Variants in AEBP2 observed in about 807,000 individuals in gnomAD.
The protein encoded by AEBP2 is zinc finger protein AEBP2.
A neutral mutation model predicts 50.8 loss-of-function variants in AEBP2; 10 were observed. The observed-to-expected ratio is 0.20, with a 90% CI of 0.12 to 0.33. The LOEUF (loss-of-function observed/expected upper bound fraction) is 0.33. AEBP2 is among the 10% of genes least tolerant of loss of function. The pLI is 1.00. For missense variants in AEBP2, 570 were observed against 688.0 expected, an observed-to-expected ratio of 0.83 and a Z score of 1.92; for synonymous variants, 296 against 261.3, an observed-to-expected ratio of 1.13 and a Z score of -1.28.
At position 19,423,836 on chromosome 12, in the gene AEBP2, G is replaced by T. The variant is rs1236859827; in HGVS notation, c.-17+19620G>T. Among the ~76,000 whole-genome samples the T allele has an allele frequency of 2.0e-5, 3 of 152,096 alleles. No individual in the cohort carries two copies. In the East Asian group the frequency reaches 5.8e-4, roughly 29 times the overall value. On this transcript the variant is annotated intron_variant, in intron 1 of 3. Transcript: ENST00000538425. ...AGCCTGGGCGACAGAGTGAGATTCT[G>T]TCTCAAAAACAAATAAATAAATGAA...
At chr12:19,478,256 C>G (rs1034148652) in intron 3 of AEBP2, among the ~76,000 whole-genome samples, 1 of 152,082 alleles carries the variant, frequency 6.6e-6, no homozygotes, top group African/African-American at 2.4e-5. Flanking sequence ...TTCTCTAGTT[C>G]CTTGAGGTAT....
At chr12:19,469,218 A>G (rs776410556) in intron 2 of AEBP2, among the ~76,000 whole-genome samples, 5 of 152,124 alleles carry the variant, frequency 3.3e-5, no homozygotes, top group Non-Finnish European at 5.9e-5. Flanking sequence ...GAGCCACTGC[A>G]CCTGGCCCAA....
At chr12:19,469,197 A>T (rs370802159) in intron 2 of AEBP2, among the ~76,000 whole-genome samples, 173 of 152,266 alleles carry the variant, frequency 1.1e-3, no homozygotes, top group Admixed American at 2.2e-3. Flanking sequence ...GAGTGCTGGG[A>T]TTACAGGCGT....
At chr12:19,493,426 C>A (rs1948923755) in intron 3 of AEBP2, among the ~76,000 whole-genome samples, 1 of 151,982 alleles carries the variant, frequency 6.6e-6, no homozygotes, top group African/African-American at 2.4e-5. Context: ...ATTCAGGAAT[C>A]CAGTCATTGC....
At chr12:19,501,657 A>G (rs1034715806) in intron 5 of AEBP2, among the ~76,000 whole-genome samples, 7 of 151,846 alleles carry the variant, frequency 4.6e-5, no homozygotes, top group African/African-American at 1.2e-4. Flanking sequence ...AATTATATAT[A>G]CACTAAATTT....
Position 19,440,013 on chromosome 12 carries a change from A to G in AEBP2, c.314A>G (p.Glu105Gly). ...GAAGACGAGGAGGAGGACGACGAGG[A>G]GGAGGAAGATGAGAGCAGCAGCAGC... ...EDEDEEEDDEEEEDESSSSGG... is the reference protein window; with the variant it reads ...EDEDEEEDDEGEEDESSSSGG... The change falls in exon 1 of 8, where the codon GAG (glutamate) becomes GGG (glycine). Residue 105 changes from glutamate to glycine, a missense_variant. Physicochemically the swap from Glu to Gly is moderately conservative, Grantham distance 98. This residue lies in a region of AEBP2 where 386 missense variants were observed against 336.8 expected (regional missense o/e 1.15). Transcript: ENST00000266508. 4 of 1,524,354 alleles carry G rather than the reference A, an allele frequency of 2.6e-6. No individual in the cohort carries two copies. The highest frequency in any genetic ancestry group is 3.5e-6 in the Non-Finnish European group (4 of 1,142,018). 94.4% of individuals were successfully genotyped at this position (1,524,354 alleles called of 1,614,324 possible). A position where few individuals can be genotyped will look rare whatever the true frequency, so the allele number is the denominator to read the frequency against.
chr12:19,489,090 A>G (rs961403470), intron 3 of AEBP2, among the ~76,000 whole-genome samples: 2 of 152,176 alleles, frequency 1.3e-5, no homozygotes, highest in African/African-American at 4.8e-5. Flanking sequence ...TGCCTGGCCA[A>G]CATACATTAA....
intron 1 of AEBP2, among the ~76,000 whole-genome samples, chr12:19,405,279 TA>T (rs1156381686): frequency 6.6e-6 from 1 of 152,106 alleles, no homozygotes; most frequent in Non-Finnish European, 1.5e-5. Context: ...ATTGCTTATT[TA>T]CTTCTCAGCA....
In AEBP2 at chr12:19,519,637, A is replaced by G. The variant is rs1190018448; in HGVS notation, c.*1520A>G. ...TTCACTTTACTACAGTGATATAAAAACCAGCAGTTTTTACACTAAATTTTT... is the reference window on the plus strand; with the variant it reads ...TTCACTTTACTACAGTGATATAAAAGCCAGCAGTTTTTACACTAAATTTTT... On this transcript the variant is annotated 3_prime_UTR_variant, in exon 8 of 8. Coordinates refer to ENST00000266508, the MANE Select transcript of AEBP2 (RefSeq NM_153207.5). 6.6e-6 allele frequency: 1 copy of G among 152,626 alleles called. No individual in the cohort carries two copies. The highest frequency in any genetic ancestry group is 1.5e-5 in the Non-Finnish European group (1 of 68,000). 9.5% of individuals were successfully genotyped at this position (152,626 alleles called of 1,614,324 possible). A position where few individuals can be genotyped will look rare whatever the true frequency, so the allele number is the denominator to read the frequency against.
chr12:19,495,462 A>C (rs1292752465), intron 4 of AEBP2, among the ~76,000 whole-genome samples: 1 of 152,146 alleles, frequency 6.6e-6, no homozygotes, highest in Admixed American at 6.6e-5. Context: ...CAAACCAGAA[A>C]ACTTTATATT....
rs1947902221 is a variant in AEBP2 at position 19,439,586 on chromosome 12, C to CG, written c.-114_-113insG. 1.0e-5 allele frequency: 14 copies of CG among 1,372,904 alleles called. No individual in the cohort carries two copies. The highest frequency in any genetic ancestry group is 2.4e-5 in the Admixed American group (1 of 42,070). The allele number at this position is 1,372,904 out of a possible 1,614,324, so 85.0% of individuals were successfully genotyped here. A position where few individuals can be genotyped will look rare whatever the true frequency, so the allele number is the denominator to read the frequency against. ...ACGCAGCTCGCGGGCCCTCCTCCTG[C>CG]TCTGCAGCGGCGTCGGCGGAGTTTT... On this transcript the variant is annotated 5_prime_UTR_variant, in exon 1 of 8. Coordinates refer to ENST00000266508, the MANE Select transcript of AEBP2 (RefSeq NM_153207.5).
chr12:19,454,590 G>GT (rs1162090931), intron 1 of AEBP2, among the ~76,000 whole-genome samples: 1 of 152,086 alleles, frequency 6.6e-6, no homozygotes, highest in East Asian at 1.9e-4. Context: ...GTAGATTTTA[G>GT]TTTTTTTGAA....
chr12:19,469,438 A>G (rs1260786049), intron 2 of AEBP2, among the ~76,000 whole-genome samples: 2 of 152,176 alleles, frequency 1.3e-5, no homozygotes, highest in African/African-American at 4.8e-5. Flanking sequence ...ATTTCTGATG[A>G]AAAAGGAAGT....
chr12:19,504,542 C>CAA (rs764482029), intron 5 of AEBP2, among the ~76,000 whole-genome samples: 4 of 152,130 alleles, frequency 2.6e-5, no homozygotes, highest in East Asian at 3.9e-4. Flanking sequence ...ACCTGACTGA[C>CAA]TAGTTGTGTA....
At chr12:19,456,333 G>A in intron 1 of AEBP2, 22 of 1,417,318 alleles carry the variant, frequency 1.6e-5, no homozygotes, top group Non-Finnish European at 2.1e-5. Flanking sequence ...GACATCCACT[G>A]CAACTGTCTG....
At chr12:19,485,723 AAG>A (rs1491067404) in intron 3 of AEBP2, among the ~76,000 whole-genome samples, 2 of 150,888 alleles carry the variant, frequency 1.3e-5, no homozygotes, top group Non-Finnish European at 3.0e-5. Context: ...AAAAAAAAAA[AAG>A]AAAAGCAGGC....
chr12:19,415,147 T>TA (rs375697488), intron 1 of AEBP2, among the ~76,000 whole-genome samples: 26 of 144,418 alleles, frequency 1.8e-4, no homozygotes, highest in East Asian at 1.7e-3. Context: ...CCATCTCTAC[T>TA]AAAAAAAAAT....
intron 1 of AEBP2, among the ~76,000 whole-genome samples, chr12:19,449,080 CAT>C (rs1017038790): frequency 1.6e-4 from 25 of 152,194 alleles, no homozygotes; most frequent in African/African-American, 4.8e-4. Flanking sequence ...GTTATATCAA[CAT>C]GTGTTTTGAG....
chr12:19,442,055 A>G (rs745529387), intron 1 of AEBP2, among the ~76,000 whole-genome samples: 1 of 152,176 alleles, frequency 6.6e-6, no homozygotes, highest in Non-Finnish European at 1.5e-5. Flanking sequence ...TGGGCTGGAT[A>G]TGAGCAAAGG....
Sources: allele counts gnomAD v4.1 joint callset (sites outside exome capture counted in the v4.1 genomes callset), GRCh38; gene constraint gnomAD v4.1.1; regional missense constraint gnomAD v4.1.1; transcripts MANE v1.5; gene names NCBI Gene and HGNC (gene_info 2026-07-23, HGNC 2026-07-21).